MAP3K20: variants seen among roughly 807,000 people sequenced by gnomAD.
The protein encoded by MAP3K20 is HCCS-4.
Under a neutral mutation model 85.7 loss-of-function variants are expected in MAP3K20, and 40 were observed. That is an observed-to-expected ratio of 0.47 (90% CI 0.36 to 0.61). The LOEUF is 0.61. Among genes scored for constraint, MAP3K20 ranks in the 20% least tolerant of loss-of-function variants. The pLI is 0.00. For synonymous variants in MAP3K20, 325 were observed against 327.7 expected, an observed-to-expected ratio of 0.99 and a Z score of 0.09; for missense variants, 817 against 961.7, an observed-to-expected ratio of 0.85 and a Z score of 1.99.
intron 10 of MAP3K20, chr2:173,211,278 C>T (rs1683883532): frequency 6.6e-6 from 1 of 152,092 alleles, no homozygotes; most frequent in African/African-American, 2.4e-5. Flanking sequence ...ATGAAAAGGA[C>T]CAGAATACTT....
In MAP3K20 at chr2:173,209,756, T is replaced by G. The variant is rs1559280148; in HGVS notation, c.772T>G (p.Ser258Ala). The stretch of plus-strand genomic sequence containing the variant: ...ACGGCCATCATTCAAGCAAATCATT[T>G]CAATCCTGGAGTCCATGTCAAATGA... ...KKRPSFKQII[S>A]ILESMSNDTS... Residue 258 changes from serine (S) to alanine (A), a missense_variant, in exon 10 of 20, where the codon TCA (serine) becomes GCA (alanine). This residue lies in a region of MAP3K20 where 158 missense variants were observed against 162.0 expected (regional missense o/e 0.98). Coordinates refer to ENST00000375213, the MANE Select transcript of MAP3K20 (RefSeq NM_016653.3). 1.2e-6 allele frequency: 2 copies of G among 1,609,786 alleles called. No homozygotes were observed. The highest frequency in any genetic ancestry group is 1.3e-5 in the African/African-American group (1 of 74,828).
At position 173,135,853 on chromosome 2, in the gene MAP3K20, C is replaced by A. The variant is rs1448502526; in HGVS notation, c.160-33952C>A. Reference sequence around the variant, plus strand: ...TGATATGAGTGACAACTTAGTATCACCAGTTTTTATTAACCATGTATAATT... The same window carrying A: ...TGATATGAGTGACAACTTAGTATCAACAGTTTTTATTAACCATGTATAATT... On this transcript the variant is annotated intron_variant, in intron 2 of 19. Transcript: ENST00000375213. Among the ~76,000 whole-genome samples the A allele has an allele frequency of 2.0e-5, 3 of 152,130 alleles. No homozygotes were observed. In the East Asian group the frequency reaches 5.8e-4, roughly 29 times the overall value.
intron 12 of MAP3K20, 90 bp downstream of exon 12, chr2:173,229,823 G>A (rs1417156767): frequency 1.4e-6 from 2 of 1,434,994 alleles, no homozygotes; most frequent in Non-Finnish European, 2.0e-6. Context: ...TTGGGCCTTA[G>A]GAAAGTCTAA....
chr2:173,145,780 A>G (rs953968255), intron 2 of MAP3K20, among the ~76,000 whole-genome samples: 32 of 152,282 alleles, frequency 2.1e-4, no homozygotes, highest in African/African-American at 7.5e-4. Context: ...TAGAATGAAA[A>G]CATATATCCA....
intron 11 of MAP3K20, chr2:173,223,428 A>T: frequency 1.0e-6 from 1 of 982,898 alleles, no homozygotes; most frequent in African/African-American, 1.7e-5. Flanking sequence ...AGGCCCACGG[A>T]AAGTGGCTAA....
At chr2:173,238,794 T>C (rs1684714263) in intron 15 of MAP3K20, among the ~76,000 whole-genome samples, 1 of 152,184 alleles carries the variant, frequency 6.6e-6, no homozygotes, top group African/African-American at 2.4e-5. Context: ...GATCGTCAAC[T>C]TTCATAGGGG....
intron 2 of MAP3K20, among the ~76,000 whole-genome samples, chr2:173,104,813 G>A (rs1379142026): frequency 6.6e-6 from 1 of 152,158 alleles, no homozygotes; most frequent in African/African-American, 2.4e-5. Flanking sequence ...GTTGGTCAGG[G>A]TAGGCCTCAC....
chr2:173,202,221 T>A (rs553365423), intron 8 of MAP3K20, among the ~76,000 whole-genome samples: 27 of 152,354 alleles, frequency 1.8e-4, no homozygotes, highest in Admixed American at 1.7e-3. Context: ...TCTTGTCCTA[T>A]TCTGTGAAAT....
chr2:173,192,536 G>A (rs1395717066), intron 7 of MAP3K20, among the ~76,000 whole-genome samples: 1 of 152,128 alleles, frequency 6.6e-6, no homozygotes, highest in Non-Finnish European at 1.5e-5. Flanking sequence ...ATCAATACCT[G>A]ATATCCCTTG....
intron 15 of MAP3K20, 105 bp downstream of exon 15, chr2:173,238,540 G>A: frequency 9.7e-7 from 1 of 1,034,646 alleles, no homozygotes; most frequent in African/African-American, 1.6e-5. Flanking sequence ...TGTTTGAAGT[G>A]AAATTTCATC....
At chr2:173,205,119 A>C (rs6733689) in intron 9 of MAP3K20, among the ~76,000 whole-genome samples, 74,523 of 139,068 alleles carry the variant, frequency 0.54, 21,970 homozygotes, top group Non-Finnish European at 0.65. Flanking sequence ...AAAAAAAAAA[A>C]AAATAAATAA....
rs772346965 is a variant in MAP3K20 at position 173,238,456 on chromosome 2, C to T, written c.1266+21C>T. ...TTAAGGTAAGTAAGGTTTTTCTTAC[C>T]GACACTAATGCTACCTTTATTGACA... On this transcript the variant is annotated intron_variant, in intron 15 of 19. Coordinates refer to ENST00000375213, the MANE Select transcript of MAP3K20 (RefSeq NM_016653.3). 9 of 1,596,350 alleles carry T rather than the reference C, an allele frequency of 5.6e-6. 1 individual carries two copies. Among genetic ancestry groups the T allele is most frequent in the South Asian group, 3.3e-5 (3 of 90,012 alleles).
chr2:173,109,294 CTT>C (rs1687874439), intron 2 of MAP3K20, among the ~76,000 whole-genome samples: 2 of 152,136 alleles, frequency 1.3e-5, no homozygotes, highest in African/African-American at 2.4e-5. Flanking sequence ...ACAAATAAAA[CTT>C]TTGGTTACTA....
chr2:173,226,994 C>T, intron 11 of MAP3K20: 1 of 985,676 alleles, frequency 1.0e-6, no homozygotes, highest in Non-Finnish European at 1.2e-6. Flanking sequence ...ATTTCAGTTA[C>T]TGATTTTATA....
rs142906094 is a variant in MAP3K20, at chr2:173,111,907, G to C, written c.159+20717G>C. 2.4e-3 allele frequency among the ~76,000 whole-genome samples: 368 copies of C among 152,154 alleles called. 3 individuals are homozygous for C. Among genetic ancestry groups the C allele is most frequent in the African/African-American group, 8.4e-3 (348 of 41,516 alleles). ...GCTTAGCTATGCATGCTCTTTTTTG[G>C]TTTCATGTGAATTTTAGAATTGTTT... On this transcript the variant is annotated intron_variant, in intron 2 of 19. Transcript: ENST00000375213.
At chr2:173,174,750 T>G (rs1467089659) in intron 3 of MAP3K20, among the ~76,000 whole-genome samples, 1 of 152,192 alleles carries the variant, frequency 6.6e-6, no homozygotes, top group Admixed American at 6.5e-5. Context: ...TCAAATGGTA[T>G]TCCATGTCTT....
chr2:173,077,743 C>G (rs889863782), intron 1 of MAP3K20, among the ~76,000 whole-genome samples: 1 of 152,102 alleles, frequency 6.6e-6, no homozygotes, highest in African/African-American at 2.4e-5. Flanking sequence ...GATGATTGAT[C>G]CGTTTTTCTT....
intron 3 of MAP3K20, among the ~76,000 whole-genome samples, chr2:173,174,762 A>T (rs193206110): frequency 3.3e-5 from 5 of 152,280 alleles, no homozygotes; most frequent in African/African-American, 9.6e-5. Flanking sequence ...CCATGTCTTC[A>T]TCATCATTAG....
chr2:173,221,105 TC>T, intron 11 of MAP3K20: 1 of 1,426,964 alleles, frequency 7.0e-7, no homozygotes. Flanking sequence ...TTTAAATTGG[TC>T]CTAATTTCTC....
Sources: gnomAD v4.1 joint callset for allele counts (sites outside exome capture counted in the v4.1 genomes callset) on GRCh38, gnomAD v4.1.1 for gene constraint, gnomAD v4.1.1 regional missense constraint, MANE v1.5 for transcripts, NCBI Gene and HGNC (gene_info 2026-07-23, HGNC 2026-07-21) for gene names.